Variants in CDON observed in about 807,000 individuals in gnomAD.
CDON encodes cell adhesion associated, oncogene regulated, also known as cell adhesion molecule-related/down-regulated by oncogenes.
In CDON, 73 loss-of-function variants were observed where a neutral mutation model predicts 120.9. That is an observed-to-expected ratio of 0.60 (90% confidence interval 0.50 to 0.73). CDON has a LOEUF of 0.73. Ranked by LOEUF, CDON falls within the 30% of genes least tolerant of loss-of-function variation. CDON has a pLI of 0.00. For synonymous variants in CDON, 566 were observed against 573.5 expected, an observed-to-expected ratio of 0.99 and a Z score of 0.19; for missense variants, 1,470 against 1,587.3, an observed-to-expected ratio of 0.93 and a Z score of 1.26.
chr11:126,055,215 C>A (rs141536770), intron 1 of CDON, among the ~76,000 whole-genome samples: 172 of 152,206 alleles, frequency 1.1e-3, no homozygotes, highest in African/African-American at 4.0e-3. Flanking sequence ...GCATTTTTTT[C>A]ATCTCACATG....
intron 11 of CDON, among the ~76,000 whole-genome samples, chr11:125,999,403 C>T (rs1340209361): frequency 2.0e-5 from 3 of 152,148 alleles, no homozygotes; most frequent in African/African-American, 7.2e-5. Flanking sequence ...GGTAGCAAGC[C>T]GTTTCTCCAC....
rs1565482671 is a variant in CDON, at chr11:125,958,593, T to TA, written c.*2348_*2349insT. 2 of 103,174 alleles carry TA rather than the reference T, an allele frequency of 1.9e-5. No individual in the cohort carries two copies. Among genetic ancestry groups the TA allele is most frequent in the Middle Eastern group, 4.8e-3 (1 of 210 alleles). 6.4% of individuals were successfully genotyped at this position (103,174 alleles called of 1,614,324 possible). ...TGTGTGTGTGTGTGTGTGTGTGTGT[T>TA]TATATATATATATTTATATATTTCA... On this transcript the variant is annotated 3_prime_UTR_variant, in exon 20 of 20. Coordinates refer to ENST00000531738, the MANE Select transcript of CDON (RefSeq NM_001378964.1).
At chr11:126,014,347 G>T (rs189110389) in intron 7 of CDON, among the ~76,000 whole-genome samples, 88 of 152,226 alleles carry the variant, frequency 5.8e-4, no homozygotes, top group Non-Finnish European at 1.0e-3. Context: ...TGTAATAAAA[G>T]AAATATAGAT....
intron 2 of CDON, among the ~76,000 whole-genome samples, chr11:126,022,942 T>C (rs1947681456): frequency 6.6e-6 from 1 of 152,138 alleles, no homozygotes; most frequent in Non-Finnish European, 1.5e-5. Flanking sequence ...CCCAAAGAGG[T>C]AGACAATAAA....
chr11:125,994,935 A>T lies in CDON; in HGVS notation c.2480T>A (p.Ile827Lys). The change falls in exon 13 of 20, where the codon ATA becomes AAA. Residue 827 changes from isoleucine to lysine, a missense_variant. Transcript: ENST00000531738. Reference protein sequence around the residue: ...GFPNRFSSRPITGPHIAYTEA... With the variant: ...GFPNRFSSRPKTGPHIAYTEA... Reference sequence around the variant, plus strand: ...TGTGTATGCAATGTGAGGTCCAGTTATTGGACGGCTGGAAAAGCGATTGGG... The same window carrying T: ...TGTGTATGCAATGTGAGGTCCAGTTTTTGGACGGCTGGAAAAGCGATTGGG... 6.2e-7 allele frequency: 1 copy of T among 1,614,154 alleles called. No individual in the cohort carries two copies. The highest frequency in any genetic ancestry group is 1.3e-5 in the African/African-American group (1 of 75,046).
intron 12 of CDON, among the ~76,000 whole-genome samples, chr11:125,995,301 G>C: frequency 6.6e-6 from 1 of 152,292 alleles, no homozygotes; most frequent in Non-Finnish European, 1.5e-5. Context: ...CACCAAGAAA[G>C]AGCACTGCAA....
In CDON at chr11:126,011,905, C is replaced by T. The variant is rs1389549185; in HGVS notation, c.1199-1211G>A. On this transcript the variant is annotated intron_variant, in intron 7 of 19. Coordinates refer to ENST00000531738, the MANE Select transcript of CDON (RefSeq NM_001378964.1). ...GTAAGACCCTGAGTTTCACTTTTACCTCCATGCTGATAACAATTATCCCAC... is the reference window on the plus strand; with the variant it reads ...GTAAGACCCTGAGTTTCACTTTTACTTCCATGCTGATAACAATTATCCCAC... Among the ~76,000 whole-genome samples, 3 of 152,116 alleles carry T rather than the reference C, an allele frequency of 2.0e-5. No individual in the cohort carries two copies. The South Asian group carries it at 6.2e-4, about 32-fold the overall frequency.
Position 126,021,405 on chromosome 11 carries a change from G to A in CDON, c.192C>T (p.Asn64=), listed in dbSNP as rs747564175. The A allele has an allele frequency of 6.2e-5, 100 of 1,614,038 alleles. No homozygotes were observed. Among genetic ancestry groups the A allele is most frequent in the South Asian group, 5.3e-4 (48 of 91,072 alleles). Residue 64 remains asparagine (N), a synonymous_variant, in exon 3 of 20, where the codon AAC becomes AAT. Coordinates refer to ENST00000531738, the MANE Select transcript of CDON (RefSeq NM_001378964.1). ...CCAGGTTTCCATCCAATGTTTTTCC[G>A]TTATGCAGCCATGAGATACGAGTGG... is the stretch of plus-strand genomic sequence containing the variant. The part of the protein sequence containing the change: ...PVTTRISWLH[N]GKTLDGNLEH...
In CDON at chr11:126,016,274, CAT is replaced by C. The variant is rs1947466043; in HGVS notation, c.929-766_929-765del. Among the ~76,000 whole-genome samples the C allele has an allele frequency of 5.9e-5, 9 of 152,234 alleles. No individual in the cohort carries two copies. In the South Asian group the frequency reaches 1.7e-3, roughly 28 times the overall value. ...AAGGAAAACATTTTCTGCAGCTACA[CAT>C]GATAGTGAGGTAGGTAGCTGGTTAG... On this transcript the variant is annotated intron_variant, in intron 6 of 19. Coordinates refer to ENST00000531738, the MANE Select transcript of CDON (RefSeq NM_001378964.1).
Position 126,016,471 on chromosome 11 carries a change from C to T in CDON, c.928+617G>A, listed in dbSNP as rs934306898. On this transcript the variant is annotated intron_variant, in intron 6 of 19. Coordinates refer to ENST00000531738, the MANE Select transcript of CDON (RefSeq NM_001378964.1). ...TTTTTGAGACAGGGTCTGGCTCTGT[C>T]GCCCAGACTGGAGTGCGGTGGCGTG... is the stretch of plus-strand genomic sequence containing the variant. Among the ~76,000 whole-genome samples the T allele has an allele frequency of 2.6e-5, 4 of 152,090 alleles. No homozygotes were observed. In the South Asian group the frequency reaches 6.2e-4, roughly 24 times the overall value.
rs1204039510 is a variant in CDON at position 126,021,305 on chromosome 11, G to A, written c.292C>T (p.Leu98Phe). The A allele has an allele frequency of 6.2e-7, 1 of 1,614,162 alleles. No individual in the cohort carries two copies. The change falls in exon 3 of 20, where the codon CTT (leucine) becomes TTT (phenylalanine). Residue 98 changes from leucine to phenylalanine, a missense_variant. Coordinates refer to ENST00000531738, the MANE Select transcript of CDON (RefSeq NM_001378964.1). Reference protein sequence around the residue: ...NSSLLGYYQCLANNSIGAIVS... With the variant: ...NSSLLGYYQCFANNSIGAIVS... ...ATGGCACCGATGCTATTGTTGGCAA[G>A]GCACTGGTAGTAACCCAAAAGAGAG...
intron 1 of CDON, among the ~76,000 whole-genome samples, chr11:126,059,614 G>A (rs1362289790): frequency 6.6e-6 from 1 of 151,962 alleles, no homozygotes; most frequent in Non-Finnish European, 1.5e-5. Flanking sequence ...CCAGGGTCTT[G>A]GAGCCGCTTC....
chr11:126,060,555 G>GCA (rs1948772821), intron 1 of CDON, among the ~76,000 whole-genome samples: 1 of 126,134 alleles, frequency 7.9e-6, no homozygotes, highest in Non-Finnish European at 1.8e-5. Context: ...AAACGTTCGT[G>GCA]GAAAAAAAAA....
intron 1 of CDON, among the ~76,000 whole-genome samples, chr11:126,059,873 AT>A (rs1948755971): frequency 6.6e-6 from 1 of 152,070 alleles, no homozygotes; most frequent in Middle Eastern, 3.4e-3. Flanking sequence ...ATGATACTGT[AT>A]GTTTTAAGCC....
chr11:126,038,870 T>C (rs999162296), intron 1 of CDON, among the ~76,000 whole-genome samples: 2 of 152,136 alleles, frequency 1.3e-5, no homozygotes, highest in African/African-American at 4.8e-5. Flanking sequence ...ACATAAGAAA[T>C]AATTTTGTTG....
intron 1 of CDON, among the ~76,000 whole-genome samples, chr11:126,062,281 A>C (rs1336626147): frequency 1.3e-5 from 2 of 152,024 alleles, no homozygotes; most frequent in Admixed American, 6.6e-5. Flanking sequence ...GCTCTGCGGC[A>C]TCTCACCTGC....
intron 1 of CDON, among the ~76,000 whole-genome samples, chr11:126,046,509 A>AC (rs1555139308): frequency 3.7e-4 from 56 of 151,922 alleles, no homozygotes; most frequent in Non-Finnish European, 3.5e-4. Context: ...TCTAAATAAT[A>AC]TTTTTAAAAA....
chr11:125,967,891 A>T (rs1480968522), intron 18 of CDON, among the ~76,000 whole-genome samples: 6 of 152,228 alleles, frequency 3.9e-5, no homozygotes, highest in South Asian at 2.1e-4. Context: ...AAAAATTTTT[A>T]AATTTTTTTT....
At chr11:125,963,245 T>C (rs141998160) in intron 18 of CDON, among the ~76,000 whole-genome samples, 2 of 152,330 alleles carry the variant, frequency 1.3e-5, no homozygotes, top group Non-Finnish European at 2.9e-5. Context: ...TTATCATTAT[T>C]ATCTGTTGAT....
Sources: gnomAD v4.1 joint callset for allele counts (sites outside exome capture counted in the v4.1 genomes callset) on GRCh38, gnomAD v4.1.1 for gene constraint, MANE v1.5 for transcripts, NCBI Gene and HGNC (gene_info 2026-07-23, HGNC 2026-07-21) for gene names.